The following PHYHD1 variants were observed in gnomAD, a reference collection of about 807,000 sequenced individuals.
PHYHD1 encodes phytanoyl-CoA dioxygenase domain containing 1, also known as phytanoyl-CoA dioxygenase domain-containing protein 1.
PHYHD1 carries 42 observed loss-of-function variants against 43.6 expected under a neutral mutation model. The ratio of observed to expected loss-of-function variants is 0.96; its 90% CI spans 0.75 to 1.25. The LOEUF is 1.25. PHYHD1 is among the 50% of genes most tolerant of loss of function. The probability of loss-of-function intolerance (pLI) is 0.00; values close to 1 mark genes in which losing one functional copy is unlikely to be tolerated. For missense variants in PHYHD1, 342 were observed against 370.8 expected, an observed-to-expected ratio of 0.92 and a Z score of 0.64; for synonymous variants, 139 against 143.6, an observed-to-expected ratio of 0.97 and a Z score of 0.23.
rs781740579 is a variant in PHYHD1 at position 128,937,771 on chromosome 9, C to T, written c.450C>T (p.Gly150=). ...SMYIFKQPHF[G]GEVSPHQDAS... ...CTCTCTTGCAGCAACCTCACTTTGG[C>T]GGTGAAGGTGAGCTGAGAGCTGTGG... The change falls in exon 9 of 13, where the codon GGC becomes GGT. Residue 150 remains glycine, a synonymous_variant. Coordinates refer to ENST00000372592, the MANE Select transcript of PHYHD1 (RefSeq NM_001100876.2). 1.2e-5 allele frequency: 19 copies of T among 1,613,838 alleles called. No homozygotes were observed. Among genetic ancestry groups the T allele is most frequent in the South Asian group, 6.6e-5 (6 of 91,064 alleles).
intron 6 of PHYHD1, among the ~76,000 whole-genome samples, chr9:128,935,985 G>A (rs1841414895): frequency 6.6e-6 from 1 of 152,152 alleles, no homozygotes; most frequent in Admixed American, 6.6e-5. Context: ...GACAATGAGG[G>A]ACTATCCCAT....
chr9:128,924,872 TTGCGA>T (rs1841095413), intron 3 of PHYHD1, among the ~76,000 whole-genome samples: 1 of 151,886 alleles, frequency 6.6e-6, no homozygotes, highest in African/African-American at 2.4e-5. Context: ...GAGGTAGAGG[TTGCGA>T]TGAGCTGAGA....
rs1841037907 is a variant in PHYHD1, at chr9:128,922,934, CTCTT to C, written c.33+580_33+583del. On this transcript the variant is annotated intron_variant, in intron 3 of 12. Coordinates refer to ENST00000372592, the MANE Select transcript of PHYHD1 (RefSeq NM_001100876.2). ...CACAGGCACACGCCCCCATGCCCAGCTCTTTTTTTTTTTTTTTTTTTTTTTTTGA... is the reference window on the plus strand; with the variant it reads ...CACAGGCACACGCCCCCATGCCCAGCTTTTTTTTTTTTTTTTTTTTTTTGA... Among the ~76,000 whole-genome samples the C allele has an allele frequency of 3.6e-5, 5 of 137,216 alleles. No homozygotes were observed. In the South Asian group the frequency reaches 9.1e-4, roughly 25 times the overall value. The allele number at this position is 137,216 out of a possible 152,430, so 90.0% of individuals were successfully genotyped here.
At position 128,921,981 on chromosome 9, in the gene PHYHD1, C is replaced by T; in HGVS notation, c.-108C>T. 3.0e-6 allele frequency: 1 copy of T among 330,250 alleles called. No homozygotes were observed. Among genetic ancestry groups the T allele is most frequent in the East Asian group, 6.3e-5 (1 of 15,874 alleles). 20.5% of individuals were successfully genotyped at this position (330,250 alleles called of 1,614,324 possible). On this transcript the variant is annotated 5_prime_UTR_variant, in exon 2 of 13. Transcript: ENST00000372592. Reference sequence around the variant, plus strand: ...TCCTCAGAGTCACAGGGAATGGCGGCGCCTGGACTGGGACTCAGCCCAGCT... The same window carrying T: ...TCCTCAGAGTCACAGGGAATGGCGGTGCCTGGACTGGGACTCAGCCCAGCT...
intron 3 of PHYHD1, among the ~76,000 whole-genome samples, chr9:128,923,777 G>A (rs1366033779): frequency 6.6e-6 from 1 of 152,106 alleles, no homozygotes; most frequent in East Asian, 1.9e-4. Flanking sequence ...TTGTGCACAG[G>A]AGTTCAAGAC....
At chr9:128,924,794 G>A (rs1437229140) in intron 3 of PHYHD1, among the ~76,000 whole-genome samples, 2 of 151,996 alleles carry the variant, frequency 1.3e-5, no homozygotes, top group Admixed American at 1.3e-4. Flanking sequence ...AATTAGCCAG[G>A]TGTGGTGGTG....
chr9:128,938,031 G>A, intron 9 of PHYHD1: 2 of 1,291,406 alleles, frequency 1.5e-6, no homozygotes, highest in Non-Finnish European at 2.0e-6. Flanking sequence ...CCTAGGACAG[G>A]CGTGGTGGCT....
At chr9:128,924,626 A>C (rs1564537959) in intron 3 of PHYHD1, among the ~76,000 whole-genome samples, 1 of 151,122 alleles carries the variant, frequency 6.6e-6, no homozygotes, top group Admixed American at 6.6e-5. Flanking sequence ...AAAAAAAAAA[A>C]AAGAAGAAGG....
intron 6 of PHYHD1, among the ~76,000 whole-genome samples, chr9:128,934,328 G>A (rs539221421): frequency 1.3e-5 from 2 of 151,952 alleles, no homozygotes; most frequent in East Asian, 3.9e-4. Context: ...GGCGGATGTT[G>A]CAGTGAGCTG....
At chr9:128,927,908 G>T (rs1841176905) in intron 4 of PHYHD1, among the ~76,000 whole-genome samples, 1 of 152,248 alleles carries the variant, frequency 6.6e-6, no homozygotes, top group Non-Finnish European at 1.5e-5. Context: ...TATCCCCCAT[G>T]AGACTAGGAA....
Position 128,927,089 on chromosome 9 carries a change from T to C in PHYHD1, c.85T>C (p.Cys29Arg), listed in dbSNP as rs767809630. 10 of 1,613,766 alleles carry C rather than the reference T, an allele frequency of 6.2e-6. No individual in the cohort carries two copies. Among genetic ancestry groups the C allele is most frequent in the Middle Eastern group, 1.6e-4 (1 of 6,084 alleles). Residue 29 changes from cysteine (C) to arginine (R), a missense_variant, in exon 4 of 13, where the codon TGT becomes CGT. Coordinates refer to ENST00000372592, the MANE Select transcript of PHYHD1 (RefSeq NM_001100876.2). ...GGAAGGATTCTTGTCTGCGGAAGAG[T>C]GTGTGGCCATGCAACAAAGGATTGG... ...VLEGFLSAEE[C>R]VAMQQRIGEI...
rs920876782 is a variant in PHYHD1, at chr9:128,942,029, T to G, written c.*316T>G. On this transcript the variant is annotated 3_prime_UTR_variant, in exon 13 of 13. Coordinates refer to ENST00000372592, the MANE Select transcript of PHYHD1 (RefSeq NM_001100876.2). ...TGTTAGTTATCGAATAAAAACGACT[T>G]CAGAATGCAGCTTCCCTACTGAGCC... 6.8e-6 allele frequency: 3 copies of G among 439,796 alleles called. No individual in the cohort carries two copies. Among genetic ancestry groups the G allele is most frequent in the Middle Eastern group, 6.6e-4 (1 of 1,510 alleles). The allele number at this position is 439,796 out of a possible 1,614,324, so 27.2% of individuals were successfully genotyped here. A position where few individuals can be genotyped will look rare whatever the true frequency, so the allele number is the denominator to read the frequency against.
chr9:128,932,166 A>ATTATTTTTTTTTTTT (rs1564540372), intron 4 of PHYHD1, among the ~76,000 whole-genome samples: 3 of 122,746 alleles, frequency 2.4e-5, no homozygotes, highest in African/African-American at 1.0e-4. Context: ...TATTATTATT[A>ATTATTTTTTTTTTTT]TTGTTATTAT....
At chr9:128,937,594 C>T (rs895950361) in intron 8 of PHYHD1, among the ~76,000 whole-genome samples, 163 bp from the exon 9 acceptor site, 1 of 152,126 alleles carries the variant, frequency 6.6e-6, no homozygotes, top group Non-Finnish European at 1.5e-5. Context: ...CTTTGCATCC[C>T]TCCTGGGGCT....
chr9:128,933,150 C>CTTTT (rs751550740), intron 4 of PHYHD1, among the ~76,000 whole-genome samples: 15 of 104,228 alleles, frequency 1.4e-4, no homozygotes, highest in East Asian at 2.7e-4. Flanking sequence ...TGCACCCAGA[C>CTTTT]TTTTTTTTTT....
chr9:128,928,530 C>T (rs768216737), intron 4 of PHYHD1, among the ~76,000 whole-genome samples: 2 of 151,854 alleles, frequency 1.3e-5, no homozygotes, highest in Admixed American at 6.6e-5. Context: ...TGGTGAAACC[C>T]TGTTTCTACT....
chr9:128,928,797 A>G (rs1295158248), intron 4 of PHYHD1, among the ~76,000 whole-genome samples: 1 of 152,174 alleles, frequency 6.6e-6, no homozygotes, highest in Non-Finnish European at 1.5e-5. Context: ...GCACTCAGTA[A>G]CATCCTCAAT....
chr9:128,935,492 T>C (rs1396404190), intron 6 of PHYHD1, among the ~76,000 whole-genome samples: 1 of 141,508 alleles, frequency 7.1e-6, no homozygotes, highest in Non-Finnish European at 1.5e-5. Flanking sequence ...GACCTTGTTG[T>C]GGGCGCCTGT....
intron 6 of PHYHD1, 75 bp downstream of exon 6, chr9:128,934,133 T>C: frequency 6.8e-7 from 1 of 1,460,802 alleles, no homozygotes; most frequent in Non-Finnish European, 9.5e-7. Flanking sequence ...CTTGTAATCC[T>C]AACTAACACT....
Sources: gnomAD v4.1 joint callset for allele counts (sites outside exome capture counted in the v4.1 genomes callset) on GRCh38, gnomAD v4.1.1 for gene constraint, MANE v1.5 for transcripts, NCBI Gene and HGNC (gene_info 2026-07-23, HGNC 2026-07-21) for gene names.